PCDHA1: variants seen among roughly 807,000 people sequenced by gnomAD.
The protein encoded by PCDHA1 is protocadherin alpha-1.
PCDHA1 carries 42 observed loss-of-function variants against 61.3 expected under a neutral mutation model. The ratio of observed to expected loss-of-function variants is 0.69; its 90% confidence interval spans 0.54 to 0.89. The LOEUF (loss-of-function observed/expected upper bound fraction) is 0.89. Among genes scored for constraint, PCDHA1 ranks in the 40% least tolerant of loss-of-function variants. The pLI, the probability that PCDHA1 is intolerant of heterozygous loss-of-function variation, is 0.00. For missense variants in PCDHA1, 1,256 were observed against 1,235.3 expected (o/e 1.02, Z -0.25); for synonymous variants, 610 against 553.8 (o/e 1.10, Z -1.43).
At position 140,786,917 on chromosome 5, in the gene PCDHA1, C is replaced by A. The variant is rs781891294; in HGVS notation, c.627C>A (p.His209Gln). Reference sequence around the variant, plus strand: ...ATAGAGAAGAAACACCAGAACTTCACTTATTACTGACTGCCACTGATGGGG... The same window carrying A: ...ATAGAGAAGAAACACCAGAACTTCAATTATTACTGACTGCCACTGATGGGG... ...YLDREETPEL[H>Q]LLLTATDGGK... The change falls in exon 1 of 4, where the codon CAC (histidine) becomes CAA (glutamine). Residue 209 changes from histidine to glutamine, a missense_variant. By Grantham distance (24) the His-to-Gln change is conservative (BLOSUM62 0). Coordinates refer to ENST00000504120, the MANE Select transcript of PCDHA1 (RefSeq NM_018900.4). The A allele has an allele frequency of 1.9e-6, 3 of 1,614,182 alleles. No individual in the cohort carries two copies. Among genetic ancestry groups the A allele is most frequent in the Non-Finnish European group, 2.5e-6 (3 of 1,180,042 alleles).
rs142582355 is a variant in PCDHA1, at chr5:140,788,015, T to G, written c.1725T>G (p.Gly575=). 6 of 1,613,848 alleles carry G rather than the reference T, an allele frequency of 3.7e-6. No homozygotes were observed. The African/African-American group carries it at 5.3e-5, about 14-fold the overall frequency. ...CGCCTCGAGTGGGTGGCACTATTGG[T>G]GCAGTCAGTGAGCTGGTGCCGCGAT... ...LLAPRVGGTI[G]AVSELVPRLV... The change falls in exon 1 of 4, where the codon GGT becomes GGG. Residue 575 remains glycine (G), a synonymous_variant. Coordinates refer to ENST00000504120, the MANE Select transcript of PCDHA1 (RefSeq NM_018900.4).
chr5:140,991,968 C>A (rs80040458), intron 3 of PCDHA1, among the ~76,000 whole-genome samples: 1,562 of 151,686 alleles, frequency 0.01, 27 homozygotes, highest in African/African-American at 0.036. Context: ...TTTGGTGGGG[C>A]CATTATTCTG....
rs1554122186 is a variant in PCDHA1 at position 140,802,524 on chromosome 5, G to A, written c.2394+13840G>A. The A allele has an allele frequency of 4.3e-6, 7 of 1,614,180 alleles. No individual in the cohort carries two copies. Among genetic ancestry groups the A allele is most frequent in the South Asian group, 1.1e-5 (1 of 91,080 alleles). Reference sequence around the variant, plus strand: ...ACTGTGGGCCACGGCCAGCGTGTCCGTGGAGGTGGCCGACGTGAACGACAA... The same window carrying A: ...ACTGTGGGCCACGGCCAGCGTGTCCATGGAGGTGGCCGACGTGAACGACAA... On this transcript the variant is annotated intron_variant, in intron 1 of 3. Coordinates refer to ENST00000504120, the MANE Select transcript of PCDHA1 (RefSeq NM_018900.4).
Position 140,788,468 on chromosome 5 carries a change from G to A in PCDHA1, c.2178G>A (p.Pro726=), listed in dbSNP as rs555552385. The A allele has an allele frequency of 3.1e-6, 5 of 1,614,106 alleles. No individual in the cohort carries two copies. Among genetic ancestry groups the A allele is most frequent in the Middle Eastern group, 1.7e-4 (1 of 6,056 alleles). ...LLYTALRCSV[P]PTEGAYVPGK... ...ACACGGCGCTGCGGTGCTCAGTGCC[G>A]CCCACTGAGGGTGCGTATGTGCCGG... Residue 726 remains proline, a synonymous_variant, in exon 1 of 4, where the codon CCG becomes CCA. Transcript: ENST00000504120.
chr5:140,831,877 C>T (rs2150197891), intron 1 of PCDHA1, among the ~76,000 whole-genome samples: 14 of 152,186 alleles, frequency 9.2e-5, no homozygotes, highest in Non-Finnish European at 1.9e-4. Context: ...TATTGTAAGG[C>T]GCTTATAACT....
At chr5:140,809,047 C>G (rs782636095) in intron 1 of PCDHA1, 15 of 1,613,918 alleles carry the variant, frequency 9.3e-6, no homozygotes, top group Non-Finnish European at 1.3e-5. Context: ...GCGCGCGCAT[C>G]CCGTTCCGCG....
intron 1 of PCDHA1, among the ~76,000 whole-genome samples, chr5:140,960,693 T>C (rs2095562408): frequency 6.6e-6 from 1 of 152,136 alleles, no homozygotes; most frequent in Non-Finnish European, 1.5e-5. Flanking sequence ...AATGAGGGTG[T>C]TCTTTAGTGC....
At chr5:140,807,797 G>A in intron 1 of PCDHA1, 6 of 1,614,150 alleles carry the variant, frequency 3.7e-6, no homozygotes, top group Non-Finnish European at 5.1e-6. Context: ...AGACAGAGAA[G>A]AAGCTCCGGA....
At chr5:140,887,461 T>C (rs2061460929) in intron 1 of PCDHA1, among the ~76,000 whole-genome samples, 1 of 152,226 alleles carries the variant, frequency 6.6e-6, no homozygotes, top group African/African-American at 2.4e-5. Flanking sequence ...TTTTAAAAGA[T>C]ATAATTCAGT....
chr5:140,941,214 C>CTTTCTTTCTTTCTTT (rs1554214039), intron 1 of PCDHA1, among the ~76,000 whole-genome samples: 5,375 of 122,186 alleles, frequency 0.044, 196 homozygotes, highest in South Asian at 0.066. Flanking sequence ...TTTCTTTCTT[C>CTTTCTTTCTTTCTTT]CTTTCTTTCT....
At chr5:140,883,008 AT>A in intron 1 of PCDHA1, 1 of 1,614,178 alleles carries the variant, frequency 6.2e-7, no homozygotes, top group Non-Finnish European at 8.5e-7. Context: ...CAATCCGTTT[AT>A]AAAGTGACGG....
At chr5:140,926,899 G>T (rs1554203765) in intron 1 of PCDHA1, 28 of 1,552,028 alleles carry the variant, frequency 1.8e-5, no homozygotes, top group Non-Finnish European at 2.4e-5. Context: ...GAGGATGGTG[G>T]GCTGTGGGGT....
chr5:140,882,676 C>T (rs1458440894), intron 1 of PCDHA1: 18 of 1,614,060 alleles, frequency 1.1e-5, no homozygotes, highest in Admixed American at 3.3e-5. Context: ...TCCCTGAAAG[C>T]AAGAAACGAA....
chr5:140,790,935 G>C (rs1338013264), intron 1 of PCDHA1, among the ~76,000 whole-genome samples: 1 of 152,114 alleles, frequency 6.6e-6, no homozygotes, highest in Non-Finnish European at 1.5e-5. Flanking sequence ...ATTGTGGAGT[G>C]GTATTGTCAC....
At chr5:140,905,116 C>A (rs570992369) in intron 1 of PCDHA1, among the ~76,000 whole-genome samples, 1 of 152,282 alleles carries the variant, frequency 6.6e-6, no homozygotes, top group Non-Finnish European at 1.5e-5. Context: ...TTGCCTAAGC[C>A]AATGTCTAGA....
chr5:140,919,301 A>G (rs1278715166), intron 1 of PCDHA1, among the ~76,000 whole-genome samples: 1 of 152,158 alleles, frequency 6.6e-6, no homozygotes, highest in African/African-American at 2.4e-5. Context: ...CTGTTTGTAC[A>G]ATATATGTTT....
intron 1 of PCDHA1, chr5:140,869,067 G>T (rs1220928735): frequency 6.4e-7 from 1 of 1,570,438 alleles, no homozygotes; most frequent in Non-Finnish European, 8.6e-7. Flanking sequence ...TACTGTAAGT[G>T]TAAAGAAGCT....
chr5:140,872,160 C>A (rs782612001), intron 1 of PCDHA1, among the ~76,000 whole-genome samples: 10 of 151,070 alleles, frequency 6.6e-5, no homozygotes, highest in African/African-American at 9.8e-5. Context: ...ACATGATTTA[C>A]TTTTCTTTTT....
chr5:140,853,671 A>G (rs1314444035), intron 1 of PCDHA1: 5 of 988,246 alleles, frequency 5.1e-6, no homozygotes, highest in East Asian at 1.1e-4. Flanking sequence ...ATTGGGGCCT[A>G]TGGTCAACCT....
Sources: allele counts gnomAD v4.1 joint callset (sites outside exome capture counted in the v4.1 genomes callset), GRCh38; gene constraint gnomAD v4.1.1; transcripts MANE v1.5; gene names NCBI Gene and HGNC (gene_info 2026-07-23, HGNC 2026-07-21).